The following SLC24A4 variants were observed in gnomAD, a reference collection of about 807,000 sequenced individuals.
SLC24A4 encodes sodium/potassium/calcium exchanger 4.
SLC24A4 carries 53 observed loss-of-function variants against 79.0 expected under a neutral mutation model. The ratio of observed to expected loss-of-function variants is 0.67; its 90% CI spans 0.54 to 0.84. SLC24A4 has a LOEUF of 0.84. SLC24A4 is among the 40% of genes least tolerant of loss of function. The probability of loss-of-function intolerance (pLI) is 0.00; values close to 1 mark genes in which losing one functional copy is unlikely to be tolerated. For missense variants in SLC24A4, 731 were observed against 822.0 expected (o/e 0.89, Z 1.35); for synonymous variants, 323 against 323.8 (o/e 1.00, Z 0.03).
At chr14:92,354,269 C>G (rs113947051) in intron 2 of SLC24A4, among the ~76,000 whole-genome samples, 19,356 of 151,958 alleles carry the variant, frequency 0.13, 1,304 homozygotes, top group Admixed American at 0.15. Flanking sequence ...TCCTGCCTTA[C>G]CCACCCAAGT....
At chr14:92,358,517 C>T (rs1357861700) in intron 2 of SLC24A4, among the ~76,000 whole-genome samples, 2 of 151,950 alleles carry the variant, frequency 1.3e-5, no homozygotes, top group African/African-American at 4.8e-5. Context: ...GAACTCCAGG[C>T]TCAAATATCC....
At chr14:92,488,939 G>T (rs1895524399) in intron 14 of SLC24A4, among the ~76,000 whole-genome samples, 1 of 152,158 alleles carries the variant, frequency 6.6e-6, no homozygotes, top group Admixed American at 6.5e-5. Flanking sequence ...GCAGGAGTGG[G>T]GAGTGTCCCA....
intron 2 of SLC24A4, among the ~76,000 whole-genome samples, chr14:92,422,657 A>G (rs1479956056): frequency 8.1e-6 from 1 of 124,018 alleles, no homozygotes; most frequent in Non-Finnish European, 1.8e-5. Context: ...ACATTATATC[A>G]TGCTAAAAAA....
Position 92,323,600 on chromosome 14 carries a change from A to G in SLC24A4, c.-231A>G, listed in dbSNP as rs991400889. 3 of 389,266 alleles carry G rather than the reference A, an allele frequency of 7.7e-6. No individual in the cohort carries two copies. Among genetic ancestry groups the G allele is most frequent in the Middle Eastern group, 6.9e-4 (1 of 1,448 alleles). 24.1% of individuals were successfully genotyped at this position (389,266 alleles called of 1,614,324 possible). ...CTCGCCACGGAGCCATGGTGCGCGC[A>G]GCGCGCACGCGGCGCGCGGGACTCT... On this transcript the variant is annotated 5_prime_UTR_variant, in exon 1 of 17. Coordinates refer to ENST00000532405, the MANE Select transcript of SLC24A4 (RefSeq NM_153646.4). The surrounding 1 kb of genome is among the most constrained non-coding windows in gnomAD (Gnocchi z 4.9).
intron 2 of SLC24A4, among the ~76,000 whole-genome samples, chr14:92,394,448 T>C (rs1259251579): frequency 6.6e-6 from 1 of 151,910 alleles, no homozygotes; most frequent in Non-Finnish European, 1.5e-5. Flanking sequence ...AATTAAAAGT[T>C]AAAAAAATTA....
At chr14:92,430,245 A>G (rs1010370218) in intron 2 of SLC24A4, among the ~76,000 whole-genome samples, 22 of 152,200 alleles carry the variant, frequency 1.4e-4, no homozygotes, top group Non-Finnish European at 3.2e-4. Flanking sequence ...TCATCCAGCC[A>G]TTCCTAGACA....
At chr14:92,447,229 C>T in intron 8 of SLC24A4, 142 bp from the exon 9 acceptor site, 1 of 683,136 alleles carries the variant, frequency 1.5e-6, no homozygotes, top group Non-Finnish European at 2.5e-6. Flanking sequence ...GGATCTCTCT[C>T]ACATGCCTGG....
intron 12 of SLC24A4, among the ~76,000 whole-genome samples, chr14:92,460,166 G>C (rs1031121004): frequency 6.6e-6 from 1 of 152,138 alleles, no homozygotes; most frequent in Non-Finnish European, 1.5e-5. Flanking sequence ...AAGCTGGGAG[G>C]CCGGCTCTGG....
intron 16 of SLC24A4, chr14:92,492,782 C>T: frequency 2.3e-6 from 1 of 443,428 alleles, no homozygotes; most frequent in Non-Finnish European, 4.5e-6. Context: ...AGGATTTGAA[C>T]CCAGGTTGGT....
intron 2 of SLC24A4, among the ~76,000 whole-genome samples, chr14:92,405,352 C>T (rs73337438): frequency 0.078 from 11,880 of 152,266 alleles, 740 homozygotes; most frequent in African/African-American, 0.15. Context: ...CAAGTAGAAA[C>T]TCTTCCATTA....
intron 2 of SLC24A4, among the ~76,000 whole-genome samples, chr14:92,412,340 C>T (rs1890763374): frequency 6.6e-6 from 1 of 152,158 alleles, no homozygotes; most frequent in Admixed American, 6.5e-5. Context: ...ACCAGCCCCA[C>T]CCAAATCATA....
intron 12 of SLC24A4, among the ~76,000 whole-genome samples, chr14:92,478,219 A>G (rs1595350914): frequency 6.6e-6 from 1 of 152,216 alleles, no homozygotes; most frequent in East Asian, 1.9e-4. Flanking sequence ...TTAAGAAATC[A>G]TTGCCCAATC....
intron 2 of SLC24A4, among the ~76,000 whole-genome samples, chr14:92,397,890 T>G (rs1334769571): frequency 6.6e-6 from 1 of 152,192 alleles, no homozygotes; most frequent in African/African-American, 2.4e-5. Flanking sequence ...TATTTAGCAT[T>G]CATAGAATAA....
chr14:92,453,998 C>T lies in SLC24A4; in HGVS notation c.979C>T (p.Arg327Ter), dbSNP rs779611367. Residue 327 changes from arginine to a stop codon, truncating the protein, a stop_gained, in exon 11 of 17, where the codon CGA becomes TGA. Coordinates refer to ENST00000532405, the MANE Select transcript of SLC24A4 (RefSeq NM_153646.4). LOFTEE classifies it high-confidence loss of function. ...PKFTFPEAGL[R>*]IMITNKFGPR... ...GTTCACCTTCCCTGAAGCAGGCTTA[C>T]GAATCATGATCACCAATAAGTTTGG... The T allele has an allele frequency of 8.7e-6, 14 of 1,613,812 alleles. No homozygotes were observed. Among genetic ancestry groups the T allele is most frequent in the East Asian group, 2.2e-5 (1 of 44,858 alleles).
intron 2 of SLC24A4, among the ~76,000 whole-genome samples, chr14:92,400,311 C>T (rs953660750): frequency 3.3e-5 from 5 of 151,868 alleles, no homozygotes; most frequent in Non-Finnish European, 4.4e-5. Context: ...TGGTGGCATG[C>T]GCCTGTAGTC....
intron 2 of SLC24A4, among the ~76,000 whole-genome samples, chr14:92,414,171 G>A (rs1187309802): frequency 3.9e-5 from 6 of 152,116 alleles, no homozygotes; most frequent in Non-Finnish European, 2.9e-5. Flanking sequence ...GGCATCGGGG[G>A]CTGGATAATT....
chr14:92,368,698 G>A (rs1215666305), intron 2 of SLC24A4, among the ~76,000 whole-genome samples: 1 of 152,162 alleles, frequency 6.6e-6, no homozygotes, highest in Non-Finnish European at 1.5e-5. Context: ...GACAGCTGCT[G>A]CAGGGGCTCT....
Position 92,500,312 on chromosome 14 carries a change from T to G in SLC24A4, c.*6684T>G, listed in dbSNP as rs1896113023. The G allele has an allele frequency of 6.6e-6, 1 of 152,230 alleles. No individual in the cohort carries two copies. The highest frequency in any genetic ancestry group is 1.5e-5 in the Non-Finnish European group (1 of 68,030). The allele number at this position is 152,230 out of a possible 1,614,324, so 9.4% of individuals were successfully genotyped here. A position where few individuals can be genotyped will look rare whatever the true frequency, so the allele number is the denominator to read the frequency against. On this transcript the variant is annotated 3_prime_UTR_variant, in exon 17 of 17. Coordinates refer to ENST00000532405, the MANE Select transcript of SLC24A4 (RefSeq NM_153646.4). ...TTTGGTTTCTAGATGCATGGTTTGGTGTGATCTACCTTTGTGCCTAAAGGG... is the reference window on the plus strand; with the variant it reads ...TTTGGTTTCTAGATGCATGGTTTGGGGTGATCTACCTTTGTGCCTAAAGGG...
intron 2 of SLC24A4, among the ~76,000 whole-genome samples, chr14:92,370,356 A>G (rs1276580548): frequency 1.3e-5 from 2 of 152,258 alleles, no homozygotes; most frequent in South Asian, 2.1e-4. Flanking sequence ...CTTTGTTGGG[A>G]AGATGGAGAT....
Sources: allele counts gnomAD v4.1 joint callset (sites outside exome capture counted in the v4.1 genomes callset), GRCh38; gene constraint gnomAD v4.1.1; non-coding constraint Gnocchi (gnomAD v3.1); transcripts MANE v1.5; gene names NCBI Gene and HGNC (gene_info 2026-07-23, HGNC 2026-07-21).